Variants in PDE11A observed in about 807,000 individuals in gnomAD.
PDE11A encodes the protein phosphodiesterase 11A.
PDE11A carries 100 observed loss-of-function variants against 100.5 expected under a neutral mutation model. That is an observed-to-expected ratio of 1.00 (90% CI 0.85 to 1.18). The LOEUF (loss-of-function observed/expected upper bound fraction) is 1.18. PDE11A is among the 50% of genes most tolerant of loss of function. The pLI, the probability that PDE11A is intolerant of heterozygous loss-of-function variation, is 0.00. For missense variants in PDE11A, 1,141 were observed against 1,152.6 expected (o/e 0.99, Z 0.15); for synonymous variants, 381 against 420.8 (o/e 0.91, Z 1.16).
chr2:177,637,102 TG>T (rs1243025071), intron 19 of PDE11A, among the ~76,000 whole-genome samples: 2 of 152,238 alleles, frequency 1.3e-5, no homozygotes, highest in Admixed American at 1.3e-4. Flanking sequence ...TTCACTGTGC[TG>T]GGCTAGGGCC....
chr2:177,629,700 G>C, intron 19 of PDE11A, 138 bp from the exon 20 acceptor site: 2 of 859,540 alleles, frequency 2.3e-6, no homozygotes, highest in South Asian at 2.8e-5. Context: ...GTAAACAAGA[G>C]CTATTTACAA....
chr2:177,696,371 C>T (rs1036409122), intron 15 of PDE11A, among the ~76,000 whole-genome samples: 11 of 152,052 alleles, frequency 7.2e-5, no homozygotes, highest in African/African-American at 2.2e-4. Flanking sequence ...AGAAAAGAAA[C>T]CTGCCAAGGA....
intron 9 of PDE11A, among the ~76,000 whole-genome samples, chr2:177,803,807 A>G (rs1053007452): frequency 3.3e-5 from 5 of 152,024 alleles, no homozygotes; most frequent in Non-Finnish European, 5.9e-5. Context: ...ATACCTCAAC[A>G]TAATAAAAGT....
chr2:178,041,253 T>TC (rs1318466297), intron 1 of PDE11A, among the ~76,000 whole-genome samples: 15 of 151,196 alleles, frequency 9.9e-5, no homozygotes, highest in African/African-American at 3.4e-4. Flanking sequence ...AAATTTTTTT[T>TC]TTTTTTTTGA....
intron 2 of PDE11A, among the ~76,000 whole-genome samples, chr2:177,949,568 G>T (rs80148011): frequency 0.16 from 24,078 of 152,086 alleles, 1,972 homozygotes; most frequent in Middle Eastern, 0.26. Flanking sequence ...AAATGGAGGT[G>T]ATCATAATAA....
chr2:177,958,743 A>AT (rs1008781605), intron 2 of PDE11A, among the ~76,000 whole-genome samples: 17 of 152,272 alleles, frequency 1.1e-4, no homozygotes, highest in Non-Finnish European at 1.8e-4. Context: ...GAAAAGTGCT[A>AT]TTTTTTTCCT....
chr2:178,094,144 A>T (rs981858973), intron 2 of PDE11A, among the ~76,000 whole-genome samples: 11 of 152,142 alleles, frequency 7.2e-5, no homozygotes. Context: ...ACAAGAAAGT[A>T]CTGAAAATAC....
intron 19 of PDE11A, among the ~76,000 whole-genome samples, chr2:177,630,076 T>C (rs562602507): frequency 3.9e-5 from 6 of 152,192 alleles, no homozygotes; most frequent in African/African-American, 1.4e-4. Context: ...AAGCTAAAGA[T>C]CTGGGAGTTG....
chr2:177,925,935 C>T (rs1282630545), intron 2 of PDE11A, among the ~76,000 whole-genome samples: 3 of 152,196 alleles, frequency 2.0e-5, no homozygotes, highest in Non-Finnish European at 4.4e-5. Context: ...CAGGACAAGG[C>T]TAGCCAACTT....
chr2:178,011,423 T>C (rs1010510602), intron 2 of PDE11A, among the ~76,000 whole-genome samples: 1 of 152,118 alleles, frequency 6.6e-6, no homozygotes, highest in Non-Finnish European at 1.5e-5. Flanking sequence ...CAATCTCTCA[T>C]ATAGAAGACC....
chr2:177,852,447 C>G (rs1249668479), intron 5 of PDE11A, among the ~76,000 whole-genome samples: 1 of 152,142 alleles, frequency 6.6e-6, no homozygotes. Flanking sequence ...AGAGGTCAAT[C>G]TGAGGTTGGG....
chr2:177,785,714 A>G (rs2082524852), intron 9 of PDE11A, among the ~76,000 whole-genome samples: 1 of 152,134 alleles, frequency 6.6e-6, no homozygotes, highest in South Asian at 2.1e-4. Flanking sequence ...GGCTTAAAAA[A>G]CGGCGCACCA....
chr2:177,675,458 T>A lies in PDE11A; in HGVS notation c.2484A>T (p.Arg828Ser). ...GAVTKPWEIS[R>S]QVAELVTSEF... is the part of the protein sequence containing the mutation. ...CCTGCCATTAATCACCACTTGCCTG[T>A]CTGGAGATCTCCCACGGTTTGGTCA... The change falls in exon 17 of 20, where the codon AGA (arginine) becomes AGT (serine). Residue 828 changes from arginine to serine, a missense_variant. Physicochemically the swap from Arg to Ser is moderately radical, Grantham distance 110. Coordinates refer to ENST00000286063, the MANE Select transcript of PDE11A (RefSeq NM_016953.4). The A allele has an allele frequency of 1.9e-6, 3 of 1,611,626 alleles. No individual in the cohort carries two copies. The highest frequency in any genetic ancestry group is 2.5e-6 in the Non-Finnish European group (3 of 1,177,884).
intron 1 of PDE11A, among the ~76,000 whole-genome samples, chr2:178,063,141 T>C (rs1176569526): frequency 2.0e-5 from 3 of 152,210 alleles, no homozygotes; most frequent in Non-Finnish European, 4.4e-5. Flanking sequence ...ACTTCGGAAA[T>C]TGCATTTTGT....
At chr2:178,074,899 C>T (rs962090528), upstream of PDE11A, among the ~76,000 whole-genome samples, 2 of 152,068 alleles carry the variant, frequency 1.3e-5, no homozygotes, top group Admixed American at 6.5e-5. Context: ...AGAAAGCACA[C>T]ATAAGATAGT....
chr2:177,759,280 G>C (rs1219361960), intron 10 of PDE11A, among the ~76,000 whole-genome samples: 1 of 151,960 alleles, frequency 6.6e-6, no homozygotes, highest in Non-Finnish European at 1.5e-5. Flanking sequence ...AATTTACCTT[G>C]AGAGTTTTAT....
At position 177,997,928 on chromosome 2, in the gene PDE11A, T is replaced by C; in HGVS notation, c.1071+16374A>G. 7.0e-6 allele frequency: 9 copies of C among 1,277,962 alleles called. No homozygotes were observed. In the South Asian group the frequency reaches 9.5e-5, roughly 13 times the overall value. The allele number at this position is 1,277,962 out of a possible 1,614,324, so 79.2% of individuals were successfully genotyped here. Reference sequence around the variant, plus strand: ...AACAATTTCAATACCTCCAACTGTATGTCAAGACCTTCCACTGCGGTAGTC... The same window carrying C: ...AACAATTTCAATACCTCCAACTGTACGTCAAGACCTTCCACTGCGGTAGTC... On this transcript the variant is annotated intron_variant, in intron 2 of 19. Transcript: ENST00000286063.
At chr2:177,832,776 T>C (rs1332682230) in intron 6 of PDE11A, among the ~76,000 whole-genome samples, 1 of 152,068 alleles carries the variant, frequency 6.6e-6, no homozygotes, top group Non-Finnish European at 1.5e-5. Context: ...CCAGTAAGCA[T>C]GCAGACAACT....
intron 19 of PDE11A, among the ~76,000 whole-genome samples, chr2:177,639,230 A>C (rs2080102379): frequency 6.6e-6 from 1 of 152,240 alleles, no homozygotes; most frequent in South Asian, 2.1e-4. Context: ...TTGTCTGAAA[A>C]GTGTTGTTTC....
Sources: allele counts gnomAD v4.1 joint callset (sites outside exome capture counted in the v4.1 genomes callset), GRCh38; gene constraint gnomAD v4.1.1; transcripts MANE v1.5; gene names NCBI Gene and HGNC (gene_info 2026-07-23, HGNC 2026-07-21).